Variants in GLT1D1 observed in about 807,000 individuals in gnomAD.
GLT1D1 encodes glycosyltransferase 1 domain-containing protein 1.
A neutral mutation model predicts 28.7 loss-of-function variants in GLT1D1; 21 were observed. That is an observed-to-expected ratio of 0.73 (90% confidence interval 0.52 to 1.05). The LOEUF (loss-of-function observed/expected upper bound fraction) is 1.05, where lower values mean the gene tolerates loss of function less well. GLT1D1 is among the 50% of genes least tolerant of loss of function. GLT1D1 has a pLI of 0.00. For missense variants in GLT1D1, 343 were observed against 330.6 expected, an observed-to-expected ratio of 1.04 and a Z score of -0.29; for synonymous variants, 147 against 124.8, an observed-to-expected ratio of 1.18 and a Z score of -1.19.
intron 1 of GLT1D1, among the ~76,000 whole-genome samples, chr12:128,862,398 G>C (rs1370722334): frequency 6.8e-6 from 1 of 146,300 alleles, no homozygotes; most frequent in East Asian, 2.1e-4. Flanking sequence ...GCTCACTCTT[G>C]TAATCCCAAC....
chr12:128,901,020 C>A (rs1470357799), intron 4 of GLT1D1, among the ~76,000 whole-genome samples: 9 of 152,160 alleles, frequency 5.9e-5, no homozygotes, highest in Non-Finnish European at 1.3e-4. Context: ...CTCTGAGATT[C>A]CCTGGGACTC....
At chr12:128,926,574 T>A (rs1873246363) in intron 4 of GLT1D1, 120 bp downstream of exon 7, 4 of 564,494 alleles carry the variant, frequency 7.1e-6, no homozygotes, top group Middle Eastern at 5.3e-4. Context: ...TGAGCAGAAC[T>A]GTTTCTAGAT....
At chr12:128,854,312 G>C (rs1042019979) in intron 1 of GLT1D1, among the ~76,000 whole-genome samples, 2 of 152,238 alleles carry the variant, frequency 1.3e-5, no homozygotes, top group East Asian at 1.9e-4. Context: ...GCGGGCGCTC[G>C]GCCTGTATTA....
chr12:128,966,362 C>T (rs1010721146), intron 7 of GLT1D1, among the ~76,000 whole-genome samples: 9 of 152,242 alleles, frequency 5.9e-5, no homozygotes, highest in African/African-American at 2.2e-4. Context: ...CTGCCTACCA[C>T]TCTGCCTTTG....
intron 4 of GLT1D1, among the ~76,000 whole-genome samples, chr12:128,913,382 A>G (rs539473457): frequency 6.6e-6 from 1 of 152,058 alleles, no homozygotes; most frequent in East Asian, 1.9e-4. Flanking sequence ...CACCACGCCC[A>G]GCTAATTTTT....
At chr12:128,979,964 T>A (rs1162715087) in intron 7 of GLT1D1, among the ~76,000 whole-genome samples, 1 of 152,216 alleles carries the variant, frequency 6.6e-6, no homozygotes, top group Non-Finnish European at 1.5e-5. Flanking sequence ...GTTGTATGGG[T>A]GCCTGAAGTA....
At chr12:128,896,322 G>A (rs905945292) in intron 3 of GLT1D1, among the ~76,000 whole-genome samples, 3 of 152,046 alleles carry the variant, frequency 2.0e-5, no homozygotes, top group Non-Finnish European at 2.9e-5. Context: ...TGTAAGTCCT[G>A]ACTTTATAAA....
intron 4 of GLT1D1, among the ~76,000 whole-genome samples, chr12:128,902,446 T>C (rs927372895): frequency 3.4e-5 from 5 of 148,826 alleles, no homozygotes; most frequent in Admixed American, 3.3e-4. Flanking sequence ...GATTGTACCA[T>C]TGCACTCCAG....
chr12:128,878,201 T>C (rs1284725432), intron 2 of GLT1D1, among the ~76,000 whole-genome samples: 5 of 152,174 alleles, frequency 3.3e-5, no homozygotes, highest in Non-Finnish European at 5.9e-5. Flanking sequence ...TGTATTTATA[T>C]GTACCTCCTC....
intron 3 of GLT1D1, among the ~76,000 whole-genome samples, chr12:128,891,151 A>G (rs1869014602): frequency 6.6e-6 from 1 of 151,892 alleles, no homozygotes; most frequent in Non-Finnish European, 1.5e-5. Flanking sequence ...AAATTAAATA[A>G]AATAATGATA....
At chr12:128,893,728 G>A (rs1869324928) in intron 3 of GLT1D1, among the ~76,000 whole-genome samples, 2 of 152,102 alleles carry the variant, frequency 1.3e-5, no homozygotes, top group Non-Finnish European at 2.9e-5. Context: ...TGGGACTACA[G>A]GGGTGCACCA....
intron 6 of GLT1D1, among the ~76,000 whole-genome samples, chr12:128,954,490 T>G (rs542237587): frequency 6.8e-4 from 103 of 152,298 alleles, no homozygotes; most frequent in African/African-American, 2.3e-3. Context: ...TAAGGTCACC[T>G]GTTTTTCACT....
chr12:128,897,763 G>C (rs1869811664), intron 3 of GLT1D1, among the ~76,000 whole-genome samples: 1 of 152,028 alleles, frequency 6.6e-6, no homozygotes, highest in Admixed American at 6.6e-5. Flanking sequence ...CCGCCTCCCG[G>C]GTTCACACCA....
chr12:128,877,300 AT>A (rs1566094394), intron 2 of GLT1D1, among the ~76,000 whole-genome samples: 1 of 152,358 alleles, frequency 6.6e-6, no homozygotes, highest in East Asian at 1.9e-4. Flanking sequence ...ATAGCATGTC[AT>A]TGGAGGATCA....
intron 4 of GLT1D1, among the ~76,000 whole-genome samples, chr12:128,917,969 A>G (rs768194524): frequency 6.6e-6 from 1 of 152,230 alleles, no homozygotes; most frequent in Non-Finnish European, 1.5e-5. Context: ...TATATACCCA[A>G]AGGAATATAT....
intron 6 of GLT1D1, among the ~76,000 whole-genome samples, chr12:128,955,518 ATTTT>A (rs33990173): frequency 7.4e-5 from 11 of 148,968 alleles, no homozygotes; most frequent in South Asian, 6.5e-4. Context: ...TCGGTGTTGT[ATTTT>A]TTTTTTTTTT....
chr12:128,981,043 A>AAAG (rs113221322), intron 7 of GLT1D1, among the ~76,000 whole-genome samples: 1,746 of 152,290 alleles, frequency 0.011, 39 homozygotes, highest in African/African-American at 0.04. Flanking sequence ...GTCCAGAAGA[A>AAAG]AATCCCAGAG....
chr12:128,867,606 G>T (rs1179147473), intron 1 of GLT1D1, among the ~76,000 whole-genome samples: 1 of 152,096 alleles, frequency 6.6e-6, no homozygotes, highest in Non-Finnish European at 1.5e-5. Flanking sequence ...CCATCTCACA[G>T]ATCTCCACTT....
At chr12:128,880,087 C>A (rs1314939693) in intron 2 of GLT1D1, among the ~76,000 whole-genome samples, 3 of 152,188 alleles carry the variant, frequency 2.0e-5, no homozygotes, top group Non-Finnish European at 2.9e-5. Context: ...TTGACAGTGA[C>A]AAAATGCTAT....
Sources: allele counts gnomAD v4.1 joint callset (sites outside exome capture counted in the v4.1 genomes callset), GRCh38; gene constraint gnomAD v4.1.1; transcripts MANE v1.5; gene names NCBI Gene and HGNC (gene_info 2026-07-23, HGNC 2026-07-21).